The following ANOS1 variants were observed in gnomAD, a reference collection of about 807,000 sequenced individuals.
The protein encoded by ANOS1 is anosmin 1.
In ANOS1, 6 loss-of-function variants were observed where a neutral mutation model predicts 59.0. That is an observed-to-expected ratio of 0.10 (90% CI 0.06 to 0.20). ANOS1 has a LOEUF of 0.20. ANOS1 is among the 10% of genes least tolerant of loss of function. The probability of loss-of-function intolerance (pLI) is 1.00; values close to 1 mark genes in which losing one functional copy is unlikely to be tolerated. For synonymous variants in ANOS1, 217 were observed against 223.4 expected (o/e 0.97, Z 0.25); for missense variants, 433 against 542.3 (o/e 0.80, Z 2.00).
At chrX:8,730,216 C>T (rs1932959558) in intron 1 of ANOS1, among the ~76,000 whole-genome samples, 1 of 112,205 alleles carries the variant, frequency 8.9e-6, no homozygotes, top group South Asian at 3.7e-4. Flanking sequence ...TTGTTTCAAA[C>T]AATAGTGTGG....
chrX:8,659,584 G>GCCTGCCTGCCTTCCTT (rs1336939298), intron 2 of ANOS1, among the ~76,000 whole-genome samples: 1 of 57,688 alleles, frequency 1.7e-5, no homozygotes, highest in African/African-American at 1.0e-4. Context: ...TTGCTTGCTT[G>GCCTGCCTGCCTTCCTT]CCTTCCTTCC....
rs147533743 is a variant in ANOS1 at position 8,644,587 on chromosome X, C to T, written c.256-20917G>A. Among the ~76,000 whole-genome samples the T allele has an allele frequency of 6.9e-3, 778 of 112,018 alleles. 3 individuals carry two copies. The highest frequency in any genetic ancestry group is 0.011 in the Non-Finnish European group (604 of 53,235). Reference sequence around the variant, plus strand: ...AAAATTTGCATTCTGTAGAGAATCGCCTTCCCTTATTAGTTCTTTTCCAGA... The same window carrying T: ...AAAATTTGCATTCTGTAGAGAATCGTCTTCCCTTATTAGTTCTTTTCCAGA... On this transcript the variant is annotated intron_variant, in intron 2 of 13. Transcript: ENST00000262648.
At chrX:8,563,544 C>T (rs1312693238) in intron 8 of ANOS1, among the ~76,000 whole-genome samples, 1 of 112,354 alleles carries the variant, frequency 8.9e-6, no homozygotes, top group Admixed American at 9.4e-5. Context: ...ATGCAAATGG[C>T]TTGTAAAAGA....
At chrX:8,614,214 C>G (rs1338062460) in intron 3 of ANOS1, among the ~76,000 whole-genome samples, 1 of 111,761 alleles carries the variant, frequency 8.9e-6, no homozygotes, top group East Asian at 2.8e-4. Context: ...CTCCTGACAG[C>G]ATTCATTTCC....
At chrX:8,633,073 C>G (rs751447910) in intron 2 of ANOS1, among the ~76,000 whole-genome samples, 32 of 111,537 alleles carry the variant, frequency 2.9e-4, no homozygotes, top group Middle Eastern at 4.6e-3. Flanking sequence ...TGTGTCTTGC[C>G]AAAATAATGA....
chrX:8,706,584 T>C (rs748580765), intron 1 of ANOS1, among the ~76,000 whole-genome samples: 1 of 112,116 alleles, frequency 8.9e-6, no homozygotes, highest in South Asian at 3.7e-4. Flanking sequence ...GTTCATCCCT[T>C]GTCACAAATG....
Position 8,578,433 on chromosome X carries a change from C to T in ANOS1, c.856+6834G>A, listed in dbSNP as rs886848404. 3.6e-5 allele frequency among the ~76,000 whole-genome samples: 4 copies of T among 111,059 alleles called. No individual in the cohort carries two copies. The Admixed American group carries it at 3.9e-4, about 11-fold the overall frequency. ...AGCCTTTTGCCCATTGGAAATGGCA[C>T]ATCCCGAGCAGCTGTGGAACAGAGT... is the stretch of plus-strand genomic sequence containing the variant. On this transcript the variant is annotated intron_variant, in intron 6 of 13. Transcript: ENST00000262648.
chrX:8,617,148 A>C (rs188952324), intron 3 of ANOS1, among the ~76,000 whole-genome samples: 94 of 112,195 alleles, frequency 8.4e-4, no homozygotes, highest in African/African-American at 2.8e-3. Context: ...TTTTCCAGCC[A>C]ACACACATTT....
At chrX:8,723,896 C>T (rs1932892756) in intron 1 of ANOS1, among the ~76,000 whole-genome samples, 3 of 111,623 alleles carry the variant, frequency 2.7e-5, no homozygotes, top group African/African-American at 9.8e-5. Flanking sequence ...GCCCACTTAC[C>T]CTACAGCTAT....
At chrX:8,615,105 G>A (rs1288126530) in intron 3 of ANOS1, among the ~76,000 whole-genome samples, 2 of 110,924 alleles carry the variant, frequency 1.8e-5, no homozygotes, top group African/African-American at 6.5e-5. Flanking sequence ...AGACTTAGAT[G>A]AATTCTGCAT....
intron 3 of ANOS1, among the ~76,000 whole-genome samples, chrX:8,610,033 A>ACAAC (rs1555896687): frequency 1.2e-5 from 1 of 82,705 alleles, no homozygotes; most frequent in Non-Finnish European, 2.3e-5. Flanking sequence ...AAAAAAAAAA[A>ACAAC]AACAACAACC....
chrX:8,576,138 A>C (rs1221248682), intron 6 of ANOS1, among the ~76,000 whole-genome samples: 3 of 110,102 alleles, frequency 2.7e-5, no homozygotes, highest in Admixed American at 9.8e-5. Flanking sequence ...AAGAAAACAA[A>C]ACCAAAAGAG....
chrX:8,729,301 C>T (rs1278053834), intron 1 of ANOS1, among the ~76,000 whole-genome samples: 4 of 100,647 alleles, frequency 4.0e-5, no homozygotes, highest in Non-Finnish European at 6.0e-5. Flanking sequence ...GAGTTGGGGG[C>T]GGGGGTGACC....
At chrX:8,725,938 A>G (rs1442691062) in intron 1 of ANOS1, among the ~76,000 whole-genome samples, 2 of 110,047 alleles carry the variant, frequency 1.8e-5, no homozygotes, top group Non-Finnish European at 3.8e-5. Flanking sequence ...TTTTGGGTCA[A>G]ATTCAGAACG....
intron 9 of ANOS1, among the ~76,000 whole-genome samples, chrX:8,552,895 T>C (rs927117650): frequency 9.2e-6 from 1 of 109,244 alleles, no homozygotes; most frequent in African/African-American, 3.3e-5. Context: ...TAATTAACAT[T>C]ATAGAAATAA....
At chrX:8,597,616 T>TAC (rs1930763829) in intron 3 of ANOS1, among the ~76,000 whole-genome samples, 1 of 107,289 alleles carries the variant, frequency 9.3e-6, no homozygotes, top group Admixed American at 1.0e-4. Context: ...TTATATACAT[T>TAC]ACACTTATAA....
chrX:8,532,940 C>T lies in ANOS1; in HGVS notation c.*55G>A, dbSNP rs761049232. On this transcript the variant is annotated 3_prime_UTR_variant, in exon 14 of 14. Transcript: ENST00000262648. ...TCTGGAAGTGTGCATGTCTCGTGGCCGAAGTTCAACAAGCTTACACATCTG... is the reference window on the plus strand; with the variant it reads ...TCTGGAAGTGTGCATGTCTCGTGGCTGAAGTTCAACAAGCTTACACATCTG... 30 of 780,554 alleles carry T rather than the reference C, an allele frequency of 3.8e-5. No individual in the cohort carries two copies. The highest frequency in any genetic ancestry group is 5.5e-5 in the Non-Finnish European group (28 of 506,416). The allele number at this position is 780,554 out of a possible 1,213,427, so 64.3% of individuals were successfully genotyped here.
chrX:8,699,945 T>A (rs185486754), intron 1 of ANOS1, among the ~76,000 whole-genome samples, 200 bp from the exon 2 acceptor site: 1 of 112,368 alleles, frequency 8.9e-6, no homozygotes, highest in African/African-American at 3.2e-5. Context: ...GATTTCATGA[T>A]GTAAACAAAG....
intron 2 of ANOS1, among the ~76,000 whole-genome samples, chrX:8,687,669 T>C (rs1268048418): frequency 9.1e-6 from 1 of 109,827 alleles, no homozygotes; most frequent in Non-Finnish European, 1.9e-5. Context: ...TAGTGAATCT[T>C]ACAAGGATAT....
Sources: gnomAD v4.1 joint callset for allele counts (sites outside exome capture counted in the v4.1 genomes callset) on GRCh38, gnomAD v4.1.1 for gene constraint, MANE v1.5 for transcripts, NCBI Gene and HGNC (gene_info 2026-07-23, HGNC 2026-07-21) for gene names.